The following PRDM11 variants were observed in gnomAD, a reference collection of about 807,000 sequenced individuals.
PRDM11 encodes PR/SET domain 11.
In PRDM11, 20 loss-of-function variants were observed where a neutral mutation model predicts 97.8. That is an observed-to-expected ratio of 0.20 (90% confidence interval 0.14 to 0.30). The LOEUF is 0.30. Among genes scored for constraint, PRDM11 ranks in the 10% least tolerant of loss-of-function variants. The probability of loss-of-function intolerance (pLI) is 1.00; values close to 1 mark genes in which losing one functional copy is unlikely to be tolerated. For synonymous variants in PRDM11, 599 were observed against 637.7 expected, an observed-to-expected ratio of 0.94 and a Z score of 0.91; for missense variants, 1,139 against 1,555.2, an observed-to-expected ratio of 0.73 and a Z score of 4.50.
In PRDM11 at chr11:45,112,998, TGGG is replaced by T. The variant is rs548959603; in HGVS notation, c.96+17100_96+17102del. On this transcript the variant is annotated intron_variant, in intron 1 of 6. Transcript: ENST00000530656. The stretch of plus-strand genomic sequence containing the variant: ...ATTTTTGTTTTTGTTGCATTTGTTT[TGGG>T]GGTCTTAGTCATGAATTCTTTGCCT... 2.0e-3 allele frequency among the ~76,000 whole-genome samples: 302 copies of T among 152,292 alleles called. 2 individuals carry two copies. Among genetic ancestry groups the T allele is most frequent in the African/African-American group, 7.0e-3 (292 of 41,568 alleles).
At chr11:45,096,709 C>G (rs2135591775) in intron 1 of PRDM11, among the ~76,000 whole-genome samples, 1 of 152,326 alleles carries the variant, frequency 6.6e-6, no homozygotes, top group South Asian at 2.1e-4. Flanking sequence ...TAGTGTCTTT[C>G]TGATTATTTC....
intron 1 of PRDM11, among the ~76,000 whole-genome samples, chr11:45,168,296 C>G (rs1289691163): frequency 6.6e-6 from 1 of 152,244 alleles, no homozygotes; most frequent in African/African-American, 2.4e-5. Context: ...GCCTTCTCCT[C>G]TGGGTCCTGT....
At chr11:45,128,452 G>A (rs1361497927) in intron 1 of PRDM11, among the ~76,000 whole-genome samples, 1 of 152,110 alleles carries the variant, frequency 6.6e-6, no homozygotes, top group Non-Finnish European at 1.5e-5. Flanking sequence ...CACGCTGGAA[G>A]CTGTAGACCG....
intron 1 of PRDM11, among the ~76,000 whole-genome samples, chr11:45,119,118 A>C (rs776321233): frequency 3.3e-5 from 5 of 152,212 alleles, no homozygotes; most frequent in Non-Finnish European, 7.3e-5. Flanking sequence ...AGCTACAGCA[A>C]GCTGAGGCTC....
At chr11:45,223,226 T>C (rs1854167843) in intron 6 of PRDM11, among the ~76,000 whole-genome samples, 1 of 152,084 alleles carries the variant, frequency 6.6e-6, no homozygotes, top group Admixed American at 6.5e-5. Flanking sequence ...AGTGGGGGGA[T>C]CACTTGAGCC....
At chr11:45,195,339 G>A (rs1250673253) in intron 4 of PRDM11, among the ~76,000 whole-genome samples, 1 of 152,114 alleles carries the variant, frequency 6.6e-6, no homozygotes, top group Non-Finnish European at 1.5e-5. Flanking sequence ...TCCTCTGGCT[G>A]TCGTTCCCCT....
chr11:45,154,097 A>G (rs1373189307), intron 1 of PRDM11, among the ~76,000 whole-genome samples: 2 of 152,176 alleles, frequency 1.3e-5, no homozygotes, highest in Non-Finnish European at 2.9e-5. Context: ...GCTCATGCCT[A>G]TAATCCCAGC....
At chr11:45,210,427 G>C (rs1018786037) in intron 5 of PRDM11, among the ~76,000 whole-genome samples, 2 of 152,208 alleles carry the variant, frequency 1.3e-5, no homozygotes, top group Non-Finnish European at 2.9e-5. Context: ...AAAGGCCTCC[G>C]CAGGGACTGC....
chr11:45,224,787 A>G lies in PRDM11; in HGVS notation c.1313A>G (p.Glu438Gly), dbSNP rs1854227318. 1 of 1,614,156 alleles carries G rather than the reference A, an allele frequency of 6.2e-7. No homozygotes were observed. Among genetic ancestry groups the G allele is most frequent in the African/African-American group, 1.3e-5 (1 of 75,038 alleles). Residue 438 changes from glutamate (E) to glycine (G), a missense_variant, in exon 7 of 8, where the codon GAG becomes GGG. Physicochemically the swap from Glu to Gly is moderately conservative, Grantham distance 98 (BLOSUM62 -2). This residue lies in a region of PRDM11 where 710 missense variants were observed against 1,044.9 expected (regional missense o/e 0.68). Transcript: ENST00000683152. ...LDMLKSGKLP[E>G]PPVLPPQVLE... Reference sequence around the variant, plus strand: ...ATGCTTAAGTCTGGGAAACTTCCTGAGCCCCCCGTATTGCCACCACAGGTA... The same window carrying G: ...ATGCTTAAGTCTGGGAAACTTCCTGGGCCCCCCGTATTGCCACCACAGGTA...
chr11:45,187,799 C>CGTGT (rs61613469), intron 4 of PRDM11, among the ~76,000 whole-genome samples: 4,402 of 147,168 alleles, frequency 0.03, 170 homozygotes, highest in African/African-American at 0.091. Context: ...AAGAAAAGTT[C>CGTGT]GTGTGTGTGT....
chr11:45,140,702 T>G (rs1258356311), intron 1 of PRDM11, among the ~76,000 whole-genome samples: 2 of 151,878 alleles, frequency 1.3e-5, no homozygotes, highest in African/African-American at 4.8e-5. Flanking sequence ...CTCCCCAATC[T>G]GCATGAAGGT....
chr11:45,139,249 G>A (rs1852944008), intron 1 of PRDM11, among the ~76,000 whole-genome samples: 1 of 152,128 alleles, frequency 6.6e-6, no homozygotes, highest in Admixed American at 6.5e-5. Flanking sequence ...CACTTTGCAG[G>A]ACAACTGGGC....
chr11:45,182,909 G>C lies in PRDM11; in HGVS notation c.272G>C (p.Gly91Ala). Residue 91 changes from glycine to alanine, a missense_variant, in exon 4 of 8, where the codon GGC becomes GCC. Coordinates refer to ENST00000683152, the MANE Select transcript of PRDM11 (RefSeq NM_001384648.1). ...EYFVDECPNH[G>A]PPVFVSDTPV... Reference sequence around the variant, plus strand: ...TTCGTGGATGAATGCCCAAACCATGGCCCCCCGGTGTTTGTGTCTGACACA... The same window carrying C: ...TTCGTGGATGAATGCCCAAACCATGCCCCCCCGGTGTTTGTGTCTGACACA... 1 of 1,611,178 alleles carries C rather than the reference G, an allele frequency of 6.2e-7. No homozygotes were observed. The highest frequency in any genetic ancestry group is 8.5e-7 in the Non-Finnish European group (1 of 1,178,348).
At chr11:45,170,287 G>A (rs1461578001) in intron 1 of PRDM11, among the ~76,000 whole-genome samples, 1 of 152,010 alleles carries the variant, frequency 6.6e-6, no homozygotes, top group Non-Finnish European at 1.5e-5. Flanking sequence ...AGGTTGCAGT[G>A]AGGTGAGATC....
At chr11:45,098,593 C>A (rs975228731) in intron 1 of PRDM11, among the ~76,000 whole-genome samples, 2 of 152,176 alleles carry the variant, frequency 1.3e-5, no homozygotes, top group Non-Finnish European at 2.9e-5. Context: ...GGATTTGCAT[C>A]CATGTGGTCA....
chr11:45,146,079 C>T (rs572684699), upstream of PRDM11, among the ~76,000 whole-genome samples: 46 of 152,324 alleles, frequency 3.0e-4, no homozygotes, highest in African/African-American at 1.1e-3. Flanking sequence ...AACCGCAACC[C>T]CACATAAAGA....
At chr11:45,141,857 A>G (rs1851411477), upstream of PRDM11, among the ~76,000 whole-genome samples, 2 of 152,214 alleles carry the variant, frequency 1.3e-5, no homozygotes, top group South Asian at 4.1e-4. Flanking sequence ...GTCATGGACC[A>G]GTGCCTTACC....
chr11:45,180,912 C>T lies in PRDM11; in HGVS notation c.-6-849C>T, dbSNP rs1003104918. ...GAGGGGGCAGGCCGTCACGTTTCCC[C>T]GCACCCCTCCCAGTCGCCGCCGCCG... On this transcript the variant is annotated intron_variant, in intron 1 of 7. Transcript: ENST00000683152. 1.6e-4 allele frequency among the ~76,000 whole-genome samples: 25 copies of T among 152,054 alleles called. 1 individual carries two copies. The highest frequency in any genetic ancestry group is 6.5e-5 in the Admixed American group (1 of 15,280).
chr11:45,141,090 C>T (rs989314881), intron 1 of PRDM11, among the ~76,000 whole-genome samples: 2 of 152,210 alleles, frequency 1.3e-5, no homozygotes, highest in African/African-American at 4.8e-5. Flanking sequence ...CAAGCTCTAC[C>T]GCTGGCTCTC....
Sources: allele counts gnomAD v4.1 joint callset (sites outside exome capture counted in the v4.1 genomes callset), GRCh38; gene constraint gnomAD v4.1.1; regional missense constraint gnomAD v4.1.1; transcripts MANE v1.5; gene names NCBI Gene and HGNC (gene_info 2026-07-23, HGNC 2026-07-21).